Variants in SEL1L3 observed in about 807,000 individuals in gnomAD.
The protein encoded by SEL1L3 is protein sel-1 homolog 3.
In SEL1L3, 76 loss-of-function variants were observed where a neutral mutation model predicts 142.8. The ratio of observed to expected loss-of-function variants is 0.53; its 90% CI spans 0.44 to 0.64. The LOEUF (loss-of-function observed/expected upper bound fraction) is 0.64, where lower values mean the gene tolerates loss of function less well. Ranked by LOEUF, SEL1L3 falls within the 30% of genes least tolerant of loss-of-function variation. SEL1L3 has a pLI of 0.00. For missense variants in SEL1L3, 1,262 were observed against 1,381.7 expected, an observed-to-expected ratio of 0.91 and a Z score of 1.37; for synonymous variants, 504 against 519.6, an observed-to-expected ratio of 0.97 and a Z score of 0.41.
intron 11 of SEL1L3, 32 bp from the exon 12 acceptor site, chr4:25,790,606 GGAAA>G (rs1396811873): frequency 5.4e-6 from 6 of 1,104,784 alleles, no homozygotes; most frequent in South Asian, 2.7e-5. Flanking sequence ...AAGGAAGGAG[GGAAA>G]GAAGGAAGGA....
At chr4:25,729,221 G>C in the SEL1L3 span, among the ~76,000 whole-genome samples, 1 of 152,152 alleles carries the variant, frequency 6.6e-6, no homozygotes, top group African/African-American at 2.4e-5. Flanking sequence ...ACCATGCACT[G>C]GTTCTGGCTG....
chr4:25,858,483 A>G (rs544431143), intron 1 of SEL1L3, among the ~76,000 whole-genome samples: 1 of 152,330 alleles, frequency 6.6e-6, no homozygotes, highest in East Asian at 1.9e-4. Flanking sequence ...AATCCTGTAC[A>G]AGGCTCTGTC....
At chr4:25,756,623 C>G (rs1717979973) in intron 23 of SEL1L3, 1 of 981,598 alleles carries the variant, frequency 1.0e-6, no homozygotes, top group Admixed American at 5.4e-5. Flanking sequence ...GTAGCCAAGC[C>G]TGGACTCTAA....
At chr4:25,831,035 G>A (rs952662742) in intron 5 of SEL1L3, among the ~76,000 whole-genome samples, 1 of 152,022 alleles carries the variant, frequency 6.6e-6, no homozygotes, top group Non-Finnish European at 1.5e-5. Flanking sequence ...AAAGAAGAAG[G>A]ACAAATGGGC....
upstream of SEL1L3, chr4:25,863,338 A>C: frequency 2.2e-6 from 1 of 452,854 alleles, no homozygotes; most frequent in Non-Finnish European, 4.1e-6. Flanking sequence ...CGCGCTCCCA[A>C]ACCCCCTCTC....
At chr4:25,825,915 G>T (rs1387390616) in intron 6 of SEL1L3, among the ~76,000 whole-genome samples, 2 of 151,546 alleles carry the variant, frequency 1.3e-5, no homozygotes, top group Admixed American at 6.6e-5. Context: ...CTCATGATCC[G>T]CCTGCTTCGG....
chr4:25,844,768 C>T (rs1156409492), intron 2 of SEL1L3, among the ~76,000 whole-genome samples: 1 of 152,162 alleles, frequency 6.6e-6, no homozygotes, highest in Non-Finnish European at 1.5e-5. Flanking sequence ...TTCCCCTTAA[C>T]AAATTAGGTG....
chr4:25,806,196 G>A (rs1425655812), intron 9 of SEL1L3, among the ~76,000 whole-genome samples: 1 of 151,706 alleles, frequency 6.6e-6, no homozygotes, highest in African/African-American at 2.4e-5. Flanking sequence ...CCGCCAGCAC[G>A]CCCGGCTAAT....
In SEL1L3 at chr4:25,748,260, ACTTC is replaced by A. The variant is rs1403640412; in HGVS notation, c.*161_*164del. On this transcript the variant is annotated 3_prime_UTR_variant, in exon 24 of 24. Transcript: ENST00000399878. ...GGTATTACCACTGCCTGATCTGGGTACTTCCTTGTAATTTGACTTTAAAAAAAAT... is the reference window on the plus strand; with the variant it reads ...GGTATTACCACTGCCTGATCTGGGTACTTGTAATTTGACTTTAAAAAAAAT... 1 of 635,220 alleles carries A rather than the reference ACTTC, an allele frequency of 1.6e-6. No homozygotes were observed. Among genetic ancestry groups the A allele is most frequent in the Non-Finnish European group, 2.7e-6 (1 of 367,838 alleles). The allele number at this position is 635,220 out of a possible 1,614,324, so 39.3% of individuals were successfully genotyped here.
Position 25,790,470 on chromosome 4 carries a change from G to A in SEL1L3, c.2061C>T (p.Gly687=). ...GCGTTTTTACCTGAGCTGCTGCATTGCCTCGGGTAGCTTCATGCTTCAACC... is the reference window on the plus strand; with the variant it reads ...GCGTTTTTACCTGAGCTGCTGCATTACCTCGGGTAGCTTCATGCTTCAACC... ...FMWLKHEATR[G]NAAAQQRLAQ... Residue 687 remains glycine, a synonymous_variant, in exon 12 of 24, where the codon GGC becomes GGT. Transcript: ENST00000399878. 1 of 1,613,800 alleles carries A rather than the reference G, an allele frequency of 6.2e-7. No individual in the cohort carries two copies. The highest frequency in any genetic ancestry group is 8.5e-7 in the Non-Finnish European group (1 of 1,179,814).
rs1407144728 is a variant in SEL1L3 at position 25,756,240 on chromosome 4, C to T, written c.3259+1294G>A. ...GTTATTATACCCTTTTGTAGCCGTC[C>T]GAGATGGTAAAAAATCAGTTTTCTT... On this transcript the variant is annotated intron_variant, in intron 23 of 23. Coordinates refer to ENST00000399878, the MANE Select transcript of SEL1L3 (RefSeq NM_015187.5). 3.0e-5 allele frequency: 30 copies of T among 985,162 alleles called. No individual in the cohort carries two copies. In the East Asian group the frequency reaches 1.2e-3, roughly 41 times the overall value. 61.0% of individuals were successfully genotyped at this position (985,162 alleles called of 1,614,324 possible). A position where few individuals can be genotyped will look rare whatever the true frequency, so the allele number is the denominator to read the frequency against.
intron 16 of SEL1L3, among the ~76,000 whole-genome samples, 156 bp downstream of exon 16, chr4:25,778,920 T>A (rs1345787406): frequency 2.6e-5 from 4 of 152,190 alleles, no homozygotes; most frequent in Non-Finnish European, 5.9e-5. Context: ...AATTTTTAAT[T>A]AAAAGTTTTA....
At chr4:25,744,096 T>C (rs1285827277), downstream of SEL1L3, among the ~76,000 whole-genome samples, 1 of 152,132 alleles carries the variant, frequency 6.6e-6, no homozygotes, top group East Asian at 1.9e-4. Flanking sequence ...CCTAGAACCA[T>C]GTCAGCATTT....
chr4:25,733,563 T>A, the SEL1L3 span, among the ~76,000 whole-genome samples: 2 of 137,834 alleles, frequency 1.5e-5, no homozygotes, highest in Non-Finnish European at 3.1e-5. Flanking sequence ...ACTCTGTCAC[T>A]CAGCTGGAGT....
chr4:25,775,738 C>T (rs1274164190), intron 17 of SEL1L3, among the ~76,000 whole-genome samples: 2 of 152,284 alleles, frequency 1.3e-5, no homozygotes, highest in South Asian at 2.1e-4. Flanking sequence ...TTGCTAACTC[C>T]ACCAGAAGGT....
At chr4:25,845,813 C>T (rs1036180341) in intron 2 of SEL1L3, among the ~76,000 whole-genome samples, 10 of 152,148 alleles carry the variant, frequency 6.6e-5, no homozygotes, top group Non-Finnish European at 1.5e-4. Context: ...GCCACAAATC[C>T]ATGGATGTCC....
At chr4:25,716,870 T>C in the SEL1L3 span, among the ~76,000 whole-genome samples, 1 of 152,198 alleles carries the variant, frequency 6.6e-6, no homozygotes, top group African/African-American at 2.4e-5. Context: ...CTCATGCCTG[T>C]AACCCCAGAA....
At chr4:25,718,443 C>G in the SEL1L3 span, 4 of 152,210 alleles carry the variant, frequency 2.6e-5, no homozygotes, top group Non-Finnish European at 5.9e-5. Context: ...TATGGACTCG[C>G]TCATAGTTTG....
intron 12 of SEL1L3, among the ~76,000 whole-genome samples, chr4:25,789,402 A>T (rs1032126068): frequency 3.9e-5 from 6 of 152,046 alleles, no homozygotes; most frequent in Non-Finnish European, 1.5e-5. Flanking sequence ...CAACATAGCA[A>T]GACCCCATTT....
Sources: gnomAD v4.1 joint callset for allele counts (sites outside exome capture counted in the v4.1 genomes callset) on GRCh38, gnomAD v4.1.1 for gene constraint, MANE v1.5 for transcripts, NCBI Gene and HGNC (gene_info 2026-07-23, HGNC 2026-07-21) for gene names.